LRGUK: variants seen among roughly 807,000 people sequenced by gnomAD.
The protein encoded by LRGUK is leucine-rich repeat and guanylate kinase domain-containing protein.
LRGUK carries 65 observed loss-of-function variants against 76.0 expected under a neutral mutation model. The observed-to-expected ratio is 0.85, with a 90% CI of 0.70 to 1.05. The LOEUF (loss-of-function observed/expected upper bound fraction) is 1.05. LRGUK is among the 50% of genes least tolerant of loss of function. LRGUK has a pLI of 0.00. For missense variants in LRGUK, 758 were observed against 732.8 expected, an observed-to-expected ratio of 1.03 and a Z score of -0.40; for synonymous variants, 268 against 265.6, an observed-to-expected ratio of 1.01 and a Z score of -0.09.
chr7:134,234,703 T>C (rs2117180870), intron 16 of LRGUK, among the ~76,000 whole-genome samples: 1 of 152,300 alleles, frequency 6.6e-6, no homozygotes, highest in African/African-American at 2.4e-5. Context: ...TTCCAATTTC[T>C]TGATATTGGA....
At chr7:134,246,074 G>T (rs953805012) in intron 16 of LRGUK, among the ~76,000 whole-genome samples, 4 of 152,160 alleles carry the variant, frequency 2.6e-5, no homozygotes, top group Admixed American at 2.6e-4. Context: ...AGTGTGTTCA[G>T]TGAGCCCACG....
chr7:134,174,020 A>G (rs953100867), intron 7 of LRGUK, among the ~76,000 whole-genome samples: 1 of 151,820 alleles, frequency 6.6e-6, no homozygotes, highest in South Asian at 2.1e-4. Flanking sequence ...GAGGCAGGAG[A>G]ATCACTTGAA....
downstream of LRGUK, among the ~76,000 whole-genome samples, chr7:134,268,415 T>G (rs917467175): frequency 6.6e-6 from 1 of 152,154 alleles, no homozygotes; most frequent in Non-Finnish European, 1.5e-5. Flanking sequence ...CCATAACTCA[T>G]GCTGCATGGC....
At chr7:134,276,412 G>A in the LRGUK span, among the ~76,000 whole-genome samples, 9 of 152,054 alleles carry the variant, frequency 5.9e-5, no homozygotes, top group African/African-American at 1.9e-4. Flanking sequence ...AATTTACTCC[G>A]CTCTGTTTCT....
At chr7:134,158,461 G>A (rs1798578282) in intron 6 of LRGUK, among the ~76,000 whole-genome samples, 1 of 152,126 alleles carries the variant, frequency 6.6e-6, no homozygotes, top group African/African-American at 2.4e-5. Context: ...CTTTTAGTAT[G>A]TATTTAAAAA....
chr7:134,186,544 A>C (rs1367963105), intron 11 of LRGUK, among the ~76,000 whole-genome samples: 1 of 152,236 alleles, frequency 6.6e-6, no homozygotes, highest in Non-Finnish European at 1.5e-5. Flanking sequence ...AATTAATGGC[A>C]TGGTGTGCAA....
intron 16 of LRGUK, among the ~76,000 whole-genome samples, chr7:134,240,185 CA>C (rs1484529962): frequency 6.6e-6 from 1 of 152,218 alleles, no homozygotes; most frequent in African/African-American, 2.4e-5. Flanking sequence ...AGCAATGGAA[CA>C]AAGCTGGACG....
intron 16 of LRGUK, among the ~76,000 whole-genome samples, chr7:134,233,861 G>A (rs58610860): frequency 0.022 from 3,354 of 152,206 alleles, 138 homozygotes; most frequent in African/African-American, 0.078. Context: ...GATCCTCACG[G>A]CTCTAAACAA....
intron 16 of LRGUK, among the ~76,000 whole-genome samples, chr7:134,230,743 A>G (rs1170471624): frequency 6.6e-6 from 1 of 152,270 alleles, no homozygotes; most frequent in Non-Finnish European, 1.5e-5. Flanking sequence ...CGCGCTATAC[A>G]TGCAATCTGA....
chr7:134,237,698 T>C (rs1230946208), intron 16 of LRGUK, among the ~76,000 whole-genome samples: 1 of 152,162 alleles, frequency 6.6e-6, no homozygotes, highest in Non-Finnish European at 1.5e-5. Flanking sequence ...TGAGAAATGG[T>C]AGTGCAAGAA....
At chr7:134,213,330 T>C (rs964923764), downstream of LRGUK, among the ~76,000 whole-genome samples, 1 of 152,080 alleles carries the variant, frequency 6.6e-6, no homozygotes, top group Non-Finnish European at 1.5e-5. Flanking sequence ...AAGTTATTGC[T>C]GTAGTCCAGG....
intron 16 of LRGUK, among the ~76,000 whole-genome samples, chr7:134,222,902 A>G (rs1265476628): frequency 6.6e-6 from 1 of 152,242 alleles, no homozygotes; most frequent in African/African-American, 2.4e-5. Flanking sequence ...CCCGCCAAGG[A>G]TAGCCTGTTC....
At chr7:134,261,663 C>T (rs1802732072) in intron 19 of LRGUK, among the ~76,000 whole-genome samples, 1 of 152,148 alleles carries the variant, frequency 6.6e-6, no homozygotes, top group South Asian at 2.1e-4. Context: ...TTGATAAGTG[C>T]CCTGTAGAAA....
At chr7:134,238,725 G>T (rs1037713544) in intron 16 of LRGUK, among the ~76,000 whole-genome samples, 7 of 152,018 alleles carry the variant, frequency 4.6e-5, no homozygotes, top group African/African-American at 1.7e-4. Context: ...TTCATTGTCT[G>T]TTAGAATGTT....
chr7:134,224,163 T>G (rs1418853933), intron 16 of LRGUK, among the ~76,000 whole-genome samples: 1 of 152,224 alleles, frequency 6.6e-6, no homozygotes, highest in African/African-American at 2.4e-5. Context: ...CATCAGTTCT[T>G]TAATGTCCCC....
chr7:134,170,448 G>A (rs1010412116), intron 7 of LRGUK, among the ~76,000 whole-genome samples: 22 of 152,046 alleles, frequency 1.4e-4, no homozygotes, highest in African/African-American at 5.1e-4. Context: ...TTTATAGAAG[G>A]AATAAGATCT....
chr7:134,256,710 C>T (rs1276592015), intron 18 of LRGUK, among the ~76,000 whole-genome samples: 1 of 152,134 alleles, frequency 6.6e-6, no homozygotes, highest in African/African-American at 2.4e-5. Context: ...GCTAATTCAT[C>T]CCTCATGTCT....
chr7:134,210,180 C>T (rs1369315576), exon 16 of LRGUK: 5 of 399,462 alleles, frequency 1.3e-5, no homozygotes, highest in African/African-American at 1.0e-4. Context: ...CAGCTAGAAC[C>T]CCACGATCAG....
chr7:134,263,662 CACTT>C (rs1361176679), intron 19 of LRGUK, among the ~76,000 whole-genome samples, 179 bp from the exon 20 acceptor site: 7 of 140,860 alleles, frequency 5.0e-5, no homozygotes, highest in Admixed American at 2.9e-4. Flanking sequence ...GTGATCCACT[CACTT>C]GGCCTCCCAA....
Sources: gnomAD v4.1 joint callset for allele counts (sites outside exome capture counted in the v4.1 genomes callset) on GRCh38, gnomAD v4.1.1 for gene constraint, MANE v1.5 for transcripts, NCBI Gene and HGNC (gene_info 2026-07-23, HGNC 2026-07-21) for gene names.